The following SHANK2 variants were observed in gnomAD, a reference collection of about 807,000 sequenced individuals.
SHANK2 encodes SH3 and multiple ankyrin repeat domains protein 2.
SHANK2 carries 43 observed loss-of-function variants against 133.7 expected under a neutral mutation model. That is an observed-to-expected ratio of 0.32 (90% CI 0.25 to 0.41). The LOEUF is 0.41. Ranked by LOEUF, SHANK2 falls within the 10% of genes least tolerant of loss-of-function variation. The probability of loss-of-function intolerance (pLI) is 1.00; values close to 1 mark genes in which losing one functional copy is unlikely to be tolerated. For synonymous variants in SHANK2, 1,017 were observed against 952.8 expected, an observed-to-expected ratio of 1.07 and a Z score of -1.24; for missense variants, 1,994 against 2,235.8, an observed-to-expected ratio of 0.89 and a Z score of 2.18.
At position 71,130,664 on chromosome 11, in the gene SHANK2, A is replaced by G. The variant is rs138511436; in HGVS notation, c.208-11632T>C. ...ATTCAGGGACCTCCACCTCTACGGCATCTGCTAACTCACCTTCCTCAGGTG... is the reference window on the plus strand; with the variant it reads ...ATTCAGGGACCTCCACCTCTACGGCGTCTGCTAACTCACCTTCCTCAGGTG... On this transcript the variant is annotated intron_variant, in intron 3 of 25. Coordinates refer to ENST00000601538, the MANE Select transcript of SHANK2 (RefSeq NM_012309.5). Among the ~76,000 whole-genome samples the G allele has an allele frequency of 1.6e-4, 25 of 152,302 alleles. 1 individual carries two copies. The highest frequency in any genetic ancestry group is 4.1e-4 in the South Asian group (2 of 4,828).
At chr11:70,895,564 G>T (rs1449368180) in intron 11 of SHANK2, 1 of 152,552 alleles carries the variant, frequency 6.6e-6, no homozygotes, top group Non-Finnish European at 1.5e-5. Flanking sequence ...TGGCACAAGG[G>T]GTACTAAAAA....
At chr11:71,220,351 G>A (rs1555120852) in intron 2 of SHANK2, among the ~76,000 whole-genome samples, 3 of 152,190 alleles carry the variant, frequency 2.0e-5, no homozygotes, top group East Asian at 1.9e-4. Flanking sequence ...TATAACCGCT[G>A]TGGAAAACAG....
chr11:70,733,009 T>C (rs1344511433), intron 14 of SHANK2, among the ~76,000 whole-genome samples: 3 of 152,162 alleles, frequency 2.0e-5, no homozygotes, highest in Admixed American at 6.5e-5. Context: ...ATGCTGCCGA[T>C]GGAGTGATGA....
intron 3 of SHANK2, among the ~76,000 whole-genome samples, chr11:71,124,510 AT>A (rs1952145536): frequency 6.6e-6 from 1 of 151,914 alleles, no homozygotes; most frequent in South Asian, 2.1e-4. Context: ...CCCTAAGTGG[AT>A]ATTATTATTA....
intron 14 of SHANK2, among the ~76,000 whole-genome samples, chr11:70,792,163 TCAAC>T (rs2135183841): frequency 6.9e-6 from 1 of 144,704 alleles, no homozygotes; most frequent in Admixed American, 6.8e-5. Flanking sequence ...AACTAGTTAA[TCAAC>T]CAACCAACCA....
At chr11:70,491,559 GTGTTAT>G (rs2135757582) in intron 22 of SHANK2, among the ~76,000 whole-genome samples, 1 of 152,342 alleles carries the variant, frequency 6.6e-6, no homozygotes, top group Non-Finnish European at 1.5e-5. Flanking sequence ...ATATTTATAG[GTGTTAT>G]TGTTCAAGAA....
intron 2 of SHANK2, among the ~76,000 whole-genome samples, chr11:71,194,606 C>A (rs1046626441): frequency 6.6e-6 from 1 of 152,162 alleles, no homozygotes; most frequent in Non-Finnish European, 1.5e-5. Flanking sequence ...AAGTGACATG[C>A]GGGTGTGAAG....
chr11:70,573,476 G>C (rs918135853), intron 17 of SHANK2, among the ~76,000 whole-genome samples: 3 of 138,362 alleles, frequency 2.2e-5, no homozygotes, highest in Non-Finnish European at 3.1e-5. Context: ...CCCCAATAAA[G>C]TTTTTAAAAA....
chr11:71,170,605 G>A (rs543958177), intron 2 of SHANK2, among the ~76,000 whole-genome samples: 12 of 152,308 alleles, frequency 7.9e-5, no homozygotes, highest in African/African-American at 1.7e-4. Context: ...TAGGAAACAC[G>A]TCATGTGGGC....
chr11:71,234,855 T>C (rs1555123488), intron 1 of SHANK2, among the ~76,000 whole-genome samples: 1 of 151,722 alleles, frequency 6.6e-6, no homozygotes, highest in Admixed American at 6.6e-5. Flanking sequence ...TGTCACACCC[T>C]CCCCCTCTAA....
At chr11:70,912,060 C>G (rs7936712) in intron 10 of SHANK2, among the ~76,000 whole-genome samples, 2 of 121,610 alleles carry the variant, frequency 1.6e-5, no homozygotes, top group African/African-American at 3.2e-5. Flanking sequence ...CCAGCCTGGG[C>G]AACAGAGTGA....
intron 11 of SHANK2, among the ~76,000 whole-genome samples, chr11:70,838,333 CT>C (rs1948854586): frequency 6.6e-6 from 1 of 152,208 alleles, no homozygotes; most frequent in Admixed American, 6.5e-5. Context: ...TTGTGGCTTC[CT>C]TTGGTTGCAC....
At chr11:71,178,817 C>G (rs1409724307) in intron 2 of SHANK2, among the ~76,000 whole-genome samples, 1 of 152,066 alleles carries the variant, frequency 6.6e-6, no homozygotes, top group African/African-American at 2.4e-5. Flanking sequence ...AACACTGTCT[C>G]TACTAAAAAT....
In SHANK2 at chr11:70,882,628, C is replaced by T. The variant is rs144378073; in HGVS notation, c.1174+13873G>A. Reference sequence around the variant, plus strand: ...CTTAGGTCAGAGGTAGGGCAGACCCCAAAACTTGCTTGCAAAATCAGCCAG... The same window carrying T: ...CTTAGGTCAGAGGTAGGGCAGACCCTAAAACTTGCTTGCAAAATCAGCCAG... On this transcript the variant is annotated intron_variant, in intron 11 of 25. Transcript: ENST00000601538. The surrounding 1 kb of genome is among the most constrained non-coding windows in gnomAD (Gnocchi z 4.2). 6.6e-6 allele frequency among the ~76,000 whole-genome samples: 1 copy of T among 152,244 alleles called. No individual in the cohort carries two copies. Among genetic ancestry groups the T allele is most frequent in the Non-Finnish European group, 1.5e-5 (1 of 68,008 alleles).
chr11:70,888,951 G>T (rs556695357), intron 11 of SHANK2, among the ~76,000 whole-genome samples: 41 of 152,316 alleles, frequency 2.7e-4, no homozygotes, highest in African/African-American at 9.9e-4. Context: ...CAGTGGGGAC[G>T]GTAGAATCAG....
rs531745930 is a variant in SHANK2 at position 70,501,134 on chromosome 11, G to A, written c.2288-544C>T. Among the ~76,000 whole-genome samples, 16 of 152,332 alleles carry A rather than the reference G, an allele frequency of 1.1e-4. No individual in the cohort carries two copies. The East Asian group carries it at 3.1e-3, about 29-fold the overall frequency. ...CGCCTGTGAGGCTGGGGCACGCGGG[G>A]CACTACTGGTTCTGGGTGGGTGGGG... On this transcript the variant is annotated intron_variant, in intron 20 of 25. Coordinates refer to ENST00000601538, the MANE Select transcript of SHANK2 (RefSeq NM_012309.5).
At position 70,485,081 on chromosome 11, in the gene SHANK2, A is replaced by G. The variant is rs1555152577; in HGVS notation, c.4979+233T>C. Among the ~76,000 whole-genome samples, 1 of 152,194 alleles carries G rather than the reference A, an allele frequency of 6.6e-6. No individual in the cohort carries two copies. The highest frequency in any genetic ancestry group is 1.5e-5 in the Non-Finnish European group (1 of 68,040). ...CTTCCAGCAACCTCATTTCATTACAAGTCTTTATGAAGGAGTGCTGTGTCC... is the reference window on the plus strand; with the variant it reads ...CTTCCAGCAACCTCATTTCATTACAGGTCTTTATGAAGGAGTGCTGTGTCC... On this transcript the variant is annotated intron_variant, in intron 25 of 25. Coordinates refer to ENST00000601538, the MANE Select transcript of SHANK2 (RefSeq NM_012309.5). The surrounding 1 kb of genome is among the most constrained non-coding windows in gnomAD (Gnocchi z 5.8).
In SHANK2 at chr11:70,467,991, A is replaced by T. The variant is rs1232120437; in HGVS notation, c.*4878T>A. The T allele has an allele frequency of 1.3e-5, 2 of 152,642 alleles. No homozygotes were observed. Among genetic ancestry groups the T allele is most frequent in the African/African-American group, 4.8e-5 (2 of 41,450 alleles). The allele number at this position is 152,642 out of a possible 1,614,324, so 9.5% of individuals were successfully genotyped here. A position where few individuals can be genotyped will look rare whatever the true frequency, so the allele number is the denominator to read the frequency against. ...CGTCCTTTCTTTACGTTGTGCATTG[A>T]TATGGGCTTCTCAGTTCAGAAAACA... is the stretch of plus-strand genomic sequence containing the variant. On this transcript the variant is annotated 3_prime_UTR_variant, in exon 26 of 26. Transcript: ENST00000601538.
chr11:71,119,304 G>A (rs66682347), intron 3 of SHANK2, among the ~76,000 whole-genome samples: 70 of 152,274 alleles, frequency 4.6e-4, no homozygotes, highest in African/African-American at 1.3e-3. Flanking sequence ...AGCACTGGCC[G>A]GGTGCGGTGG....
Sources: allele counts gnomAD v4.1 joint callset (sites outside exome capture counted in the v4.1 genomes callset), GRCh38; gene constraint gnomAD v4.1.1; non-coding constraint Gnocchi (gnomAD v3.1); transcripts MANE v1.5; gene names NCBI Gene and HGNC (gene_info 2026-07-23, HGNC 2026-07-21).